RAB6B: variants seen among roughly 807,000 people sequenced by gnomAD.
RAB6B encodes ras-related protein Rab-6B.
A neutral mutation model predicts 31.2 loss-of-function variants in RAB6B; 7 were observed. The observed-to-expected ratio is 0.22, with a 90% confidence interval of 0.13 to 0.42. The LOEUF is 0.42. Ranked by LOEUF, RAB6B falls within the 10% of genes least tolerant of loss-of-function variation. The probability of loss-of-function intolerance (pLI) is 1.00; values close to 1 mark genes in which losing one functional copy is unlikely to be tolerated. For missense variants in RAB6B, 149 were observed against 280.6 expected, an observed-to-expected ratio of 0.53 and a Z score of 3.35; for synonymous variants, 105 against 104.9, an observed-to-expected ratio of 1.00 and a Z score of -0.01.
intron 7 of RAB6B, among the ~76,000 whole-genome samples, chr3:133,830,409 G>A (rs1018195541): frequency 6.6e-6 from 1 of 152,210 alleles, no homozygotes. Flanking sequence ...ACCTGTTGAC[G>A]CTAGCTTATC....
intron 6 of RAB6B, among the ~76,000 whole-genome samples, 196 bp downstream of exon 6, chr3:133,837,970 G>T (rs1271409111): frequency 6.6e-6 from 1 of 152,186 alleles, no homozygotes; most frequent in Admixed American, 6.5e-5. Context: ...TGCCCGGAGT[G>T]GTCCCTCCCT....
In RAB6B at chr3:133,895,392, C is replaced by T. The variant is rs775079508; in HGVS notation, c.70+5G>A. 1.9e-6 allele frequency: 3 copies of T among 1,610,884 alleles called. No homozygotes were observed. The highest frequency in any genetic ancestry group is 1.7e-6 in the Non-Finnish European group (2 of 1,178,446). ...ACAAGCCAAGAGATTAAGCCGGGTA[C>T]TTACCGCTCTGCTCCCCCAAGAACA... On this transcript the variant is annotated splice_donor_5th_base_variant and intron_variant, in intron 1 of 7. Coordinates refer to ENST00000285208, the MANE Select transcript of RAB6B (RefSeq NM_016577.4).
At position 133,828,529 on chromosome 3, in the gene RAB6B, AAC is replaced by A. The variant is rs1414011404; in HGVS notation, c.*257_*258del. 1 of 483,948 alleles carries A rather than the reference AAC, an allele frequency of 2.1e-6. No homozygotes were observed. The highest frequency in any genetic ancestry group is 3.6e-6 in the Non-Finnish European group (1 of 276,354). The allele number at this position is 483,948 out of a possible 1,614,324, so 30.0% of individuals were successfully genotyped here. On this transcript the variant is annotated 3_prime_UTR_variant, in exon 8 of 8. Transcript: ENST00000285208. ...ATGATTTAAATTTTTTTTAAATTTT[AAC>A]AGTTTTTGGCAATCTTAATAAAGTA...
At chr3:133,887,883 T>C (rs1020136854) in intron 1 of RAB6B, among the ~76,000 whole-genome samples, 21 of 152,194 alleles carry the variant, frequency 1.4e-4, no homozygotes, top group African/African-American at 5.1e-4. Flanking sequence ...GGGAGGGATT[T>C]AGCTGCCCCC....
intron 1 of RAB6B, among the ~76,000 whole-genome samples, chr3:133,874,053 G>C (rs1936360302): frequency 6.6e-6 from 1 of 152,184 alleles, no homozygotes; most frequent in South Asian, 2.1e-4. Flanking sequence ...GAAAGGGTTG[G>C]TCTTGCTGTC....
chr3:133,870,223 G>A (rs546364123), intron 1 of RAB6B, among the ~76,000 whole-genome samples: 5 of 152,308 alleles, frequency 3.3e-5, no homozygotes, highest in African/African-American at 1.2e-4. Flanking sequence ...GGGACAGAGT[G>A]AGGGCAAGCA....
At chr3:133,838,067 A>C in intron 6 of RAB6B, 99 bp downstream of exon 6, 1 of 1,259,028 alleles carries the variant, frequency 7.9e-7, no homozygotes. Context: ...CAATCCCATC[A>C]CCAGCCCTTC....
intron 7 of RAB6B, among the ~76,000 whole-genome samples, chr3:133,833,946 A>G (rs1935692825): frequency 6.6e-6 from 1 of 152,248 alleles, no homozygotes; most frequent in Non-Finnish European, 1.5e-5. Flanking sequence ...TGGAGGAAGC[A>G]AGCCTGAGTG....
intron 1 of RAB6B, chr3:133,885,549 C>T: frequency 1.4e-6 from 1 of 703,022 alleles, no homozygotes; most frequent in South Asian, 1.5e-5. Flanking sequence ...TGGCCAGTTT[C>T]TGGTCATATG....
intron 1 of RAB6B, among the ~76,000 whole-genome samples, chr3:133,871,024 C>T (rs1936315986): frequency 6.6e-6 from 1 of 152,242 alleles, no homozygotes; most frequent in Admixed American, 6.5e-5. Flanking sequence ...CCCCAGGCCC[C>T]CATCTCACTG....
intron 4 of RAB6B, 124 bp downstream of exon 4, chr3:133,841,161 C>CGCACACACATGTGTGT (rs1935822908): frequency 1.4e-5 from 12 of 845,490 alleles, no homozygotes; most frequent in East Asian, 1.3e-4. Flanking sequence ...AGGGAGCAAT[C>CGCACACACATGTGTGT]GCACACACAT....
rs1469295129 is a variant in RAB6B, at chr3:133,825,470, G to A, written c.*3318C>T. 2 of 152,240 alleles carry A rather than the reference G, an allele frequency of 1.3e-5. No individual in the cohort carries two copies. Among genetic ancestry groups the A allele is most frequent in the East Asian group, 1.9e-4 (1 of 5,202 alleles). The allele number at this position is 152,240 out of a possible 1,614,324, so 9.4% of individuals were successfully genotyped here. Reference sequence around the variant, plus strand: ...AATGTTTAAGGATGACAAGAAGAGAGCAGCGATAGATAGCAAGGAGGCCTC... The same window carrying A: ...AATGTTTAAGGATGACAAGAAGAGAACAGCGATAGATAGCAAGGAGGCCTC... On this transcript the variant is annotated 3_prime_UTR_variant, in exon 8 of 8. Transcript: ENST00000285208.
At chr3:133,887,061 C>T (rs1042649777) in intron 1 of RAB6B, among the ~76,000 whole-genome samples, 42 of 152,098 alleles carry the variant, frequency 2.8e-4, no homozygotes, top group African/African-American at 9.7e-4. Context: ...TCTCTAAGCC[C>T]TCCTAGGTCT....
At chr3:133,887,980 G>A (rs571714320) in intron 1 of RAB6B, among the ~76,000 whole-genome samples, 1 of 152,220 alleles carries the variant, frequency 6.6e-6, no homozygotes, top group East Asian at 1.9e-4. Flanking sequence ...GCTCCCACAC[G>A]GAGACCCTGC....
At chr3:133,834,154 C>A (rs1935696713) in intron 7 of RAB6B, among the ~76,000 whole-genome samples, 1 of 151,776 alleles carries the variant, frequency 6.6e-6, no homozygotes, top group African/African-American at 2.4e-5. Flanking sequence ...AAGGAGGGGG[C>A]ATCTGTCTGA....
intron 1 of RAB6B, chr3:133,885,468 A>G: frequency 1.4e-6 from 1 of 700,712 alleles, no homozygotes; most frequent in Admixed American, 2.0e-5. Flanking sequence ...GAGGACTTAC[A>G]CACCCAATGA....
At chr3:133,895,360 C>T in intron 1 of RAB6B, 37 bp downstream of exon 1, 1 of 1,601,008 alleles carries the variant, frequency 6.2e-7, no homozygotes, top group Non-Finnish European at 8.5e-7. Flanking sequence ...CGGGGGTCGA[C>T]TCGGCGACAA....
At position 133,827,205 on chromosome 3, in the gene RAB6B, A is replaced by G. The variant is rs1490680260; in HGVS notation, c.*1583T>C. The stretch of plus-strand genomic sequence containing the variant: ...CAGATTAATTTCTGAGAAGTTTCAA[A>G]ATTCATTCCAACGACCTTGTGGAGT... On this transcript the variant is annotated 3_prime_UTR_variant, in exon 8 of 8. Coordinates refer to ENST00000285208, the MANE Select transcript of RAB6B (RefSeq NM_016577.4). 1 of 152,212 alleles carries G rather than the reference A, an allele frequency of 6.6e-6. No individual in the cohort carries two copies. Among genetic ancestry groups the G allele is most frequent in the Non-Finnish European group, 1.5e-5 (1 of 68,040 alleles). The allele number at this position is 152,212 out of a possible 1,614,324, so 9.4% of individuals were successfully genotyped here. A position where few individuals can be genotyped will look rare whatever the true frequency, so the allele number is the denominator to read the frequency against.
intron 2 of RAB6B, among the ~76,000 whole-genome samples, chr3:133,844,962 A>G (rs1935886907): frequency 6.7e-6 from 1 of 148,916 alleles, no homozygotes; most frequent in African/African-American, 2.5e-5. Flanking sequence ...AAAAAAAAGT[A>G]GGTAGGAGTT....
Sources: allele counts gnomAD v4.1 joint callset (sites outside exome capture counted in the v4.1 genomes callset), GRCh38; gene constraint gnomAD v4.1.1; transcripts MANE v1.5; gene names NCBI Gene and HGNC (gene_info 2026-07-23, HGNC 2026-07-21).